The following CRTAC1 variants were observed in gnomAD, a reference collection of about 807,000 sequenced individuals.
CRTAC1 encodes the protein acidic secreted protein in cartilage.
Under a neutral mutation model 67.8 loss-of-function variants are expected in CRTAC1, and 37 were observed. The observed-to-expected ratio is 0.55, with a 90% CI of 0.42 to 0.72. The LOEUF is 0.72. CRTAC1 is among the 30% of genes least tolerant of loss of function. The pLI, the probability that CRTAC1 is intolerant of heterozygous loss-of-function variation, is 0.00. For synonymous variants in CRTAC1, 348 were observed against 371.0 expected (o/e 0.94, Z 0.71); for missense variants, 780 against 931.6 (o/e 0.84, Z 2.12).
chr10:97,926,017 C>T (rs897073328), intron 3 of CRTAC1, among the ~76,000 whole-genome samples: 2 of 152,176 alleles, frequency 1.3e-5, no homozygotes, highest in African/African-American at 4.8e-5. Flanking sequence ...AGGGTCCTCA[C>T]CCGACAGCAG....
At chr10:97,884,636 G>A (rs1051326593) in intron 11 of CRTAC1, 10 of 367,684 alleles carry the variant, frequency 2.7e-5, no homozygotes, top group African/African-American at 8.3e-5. Flanking sequence ...TGGGACTCAC[G>A]TGATTGAAGA....
At chr10:97,907,436 A>G (rs2050628699) in intron 6 of CRTAC1, among the ~76,000 whole-genome samples, 4 of 150,592 alleles carry the variant, frequency 2.7e-5, no homozygotes, top group Admixed American at 2.6e-4. Context: ...CAGAGGAAGG[A>G]GGAGGAGCAC....
chr10:97,967,647 C>A (rs1046083404), intron 2 of CRTAC1, among the ~76,000 whole-genome samples: 1 of 152,136 alleles, frequency 6.6e-6, no homozygotes, highest in African/African-American at 2.4e-5. Flanking sequence ...AACTCTAATC[C>A]ATTACCACAT....
At chr10:97,983,256 C>CTTTGTT (rs2136665249) in intron 2 of CRTAC1, among the ~76,000 whole-genome samples, 7 of 148,088 alleles carry the variant, frequency 4.7e-5, no homozygotes, top group African/African-American at 1.9e-4. Flanking sequence ...GAAGTCATCC[C>CTTTGTT]ACTCACCCAT....
rs182696980 is a variant in CRTAC1 at position 98,019,072 on chromosome 10, G to T, written c.25-7735C>A. On this transcript the variant is annotated intron_variant, in intron 1 of 14. Coordinates refer to ENST00000370597, the MANE Select transcript of CRTAC1 (RefSeq NM_018058.7). ...AGCACAGAGAGATGTAAGTTAGCTG[G>T]GGGGGGAGCTGGGAAGTGCTTCCTA... 2.1e-4 allele frequency among the ~76,000 whole-genome samples: 32 copies of T among 152,178 alleles called. No individual in the cohort carries two copies. The East Asian group carries it at 4.1e-3, about 19-fold the overall frequency.
intron 3 of CRTAC1, among the ~76,000 whole-genome samples, chr10:97,925,704 G>A (rs2050904264): frequency 1.4e-5 from 2 of 143,000 alleles, no homozygotes; most frequent in African/African-American, 2.6e-5. Context: ...GTGTGTGGGG[G>A]GATGAGTGAG....
intron 2 of CRTAC1, among the ~76,000 whole-genome samples, chr10:97,960,469 C>T (rs763426032): frequency 6.6e-6 from 1 of 152,190 alleles, no homozygotes; most frequent in East Asian, 1.9e-4. Context: ...CCATGATGGC[C>T]TCTCTGTACA....
intron 4 of CRTAC1, among the ~76,000 whole-genome samples, chr10:97,921,743 G>T (rs1164112215): frequency 6.6e-6 from 1 of 152,108 alleles, no homozygotes; most frequent in Non-Finnish European, 1.5e-5. Flanking sequence ...GGATGGCCAA[G>T]GTGGTGGCTG....
intron 14 of CRTAC1, chr10:97,879,789 A>T: frequency 6.5e-7 from 1 of 1,535,464 alleles, no homozygotes; most frequent in Admixed American, 2.0e-5. Context: ...CCCACCTAAA[A>T]AGGCCACTTG....
Position 98,007,285 on chromosome 10 carries a change from G to A in CRTAC1, c.224+3853C>T, listed in dbSNP as rs533780770. Among the ~76,000 whole-genome samples the A allele has an allele frequency of 1.1e-4, 16 of 152,264 alleles. No homozygotes were observed. The South Asian group carries it at 1.2e-3, about 12-fold the overall frequency. ...GGTGTGGTCTTATTGTAAGGCAAGG[G>A]GTGGACCAAATGACCTCCCAAGGTC... On this transcript the variant is annotated intron_variant, in intron 2 of 14. Transcript: ENST00000370597.
intron 2 of CRTAC1, among the ~76,000 whole-genome samples, chr10:97,976,461 G>A (rs1302726630): frequency 6.6e-6 from 1 of 152,090 alleles, no homozygotes; most frequent in East Asian, 1.9e-4. Context: ...AAACCTCATG[G>A]GGTTAAAGTG....
chr10:97,927,683 T>A (rs2050941736), intron 3 of CRTAC1, among the ~76,000 whole-genome samples: 1 of 152,188 alleles, frequency 6.6e-6, no homozygotes, highest in Non-Finnish European at 1.5e-5. Context: ...GCCTTGTAGA[T>A]CATAAATGGG....
Position 97,895,968 on chromosome 10 carries a change from A to G in CRTAC1, c.1234T>C (p.Phe412Leu), listed in dbSNP as rs1203863018. Residue 412 changes from phenylalanine (F) to leucine (L), a missense_variant, in exon 10 of 15, where the codon TTC becomes CTC. By Grantham distance (22) the Phe-to-Leu change is conservative. Coordinates refer to ENST00000370597, the MANE Select transcript of CRTAC1 (RefSeq NM_018058.7). The surrounding 1 kb of genome is among the most constrained non-coding windows in gnomAD (Gnocchi z 4.2). The part of the protein sequence containing the change: ...GRGTGGVVTD[F>L]DGDGMLDLIL... ...AGGTCCAGCATCCCGTCTCCGTCGA[A>G]GTCGGTCACCACACCCCCTACAAAC... 1.2e-6 allele frequency: 2 copies of G among 1,614,130 alleles called. No homozygotes were observed. The highest frequency in any genetic ancestry group is 2.2e-5 in the South Asian group (2 of 91,082).
chr10:97,908,501 C>T (rs999060045), intron 5 of CRTAC1, among the ~76,000 whole-genome samples: 1 of 152,168 alleles, frequency 6.6e-6, no homozygotes, highest in Non-Finnish European at 1.5e-5. Flanking sequence ...CCATTTTGGT[C>T]AAGTCACAGA....
intron 2 of CRTAC1, among the ~76,000 whole-genome samples, chr10:97,967,135 T>C (rs1325736935): frequency 6.6e-6 from 1 of 152,212 alleles, no homozygotes; most frequent in Non-Finnish European, 1.5e-5. Context: ...GGGAGATTTG[T>C]CTATTCTCCC....
chr10:97,948,108 CAAA>C (rs34814982), intron 2 of CRTAC1, among the ~76,000 whole-genome samples: 153 of 129,726 alleles, frequency 1.2e-3, no homozygotes, highest in African/African-American at 3.9e-3. Context: ...TGAATTATTG[CAAA>C]AAAAAAAAAA....
At chr10:97,994,333 A>G (rs1305554439) in intron 2 of CRTAC1, among the ~76,000 whole-genome samples, 1 of 152,148 alleles carries the variant, frequency 6.6e-6, no homozygotes, top group African/African-American at 2.4e-5. Context: ...CTTTGGGGCT[A>G]GGGATGGTTA....
chr10:97,975,667 C>A lies in CRTAC1; in HGVS notation c.224+35471G>T, dbSNP rs1437104187. On this transcript the variant is annotated intron_variant, in intron 2 of 14. Coordinates refer to ENST00000370597, the MANE Select transcript of CRTAC1 (RefSeq NM_018058.7). The surrounding 1 kb of genome is among the most constrained non-coding windows in gnomAD (Gnocchi z 4.8). ...GTGAATGACAAAAAGGCGCCCCTTCCTCCAAGCCTGCACAGCCTCACACGG... is the reference window on the plus strand; with the variant it reads ...GTGAATGACAAAAAGGCGCCCCTTCATCCAAGCCTGCACAGCCTCACACGG... Among the ~76,000 whole-genome samples the A allele has an allele frequency of 6.6e-6, 1 of 152,218 alleles. No individual in the cohort carries two copies. The highest frequency in any genetic ancestry group is 6.5e-5 in the Admixed American group (1 of 15,288).
intron 11 of CRTAC1, among the ~76,000 whole-genome samples, chr10:97,889,204 C>A (rs766002976): frequency 1.1e-4 from 17 of 151,300 alleles, no homozygotes; most frequent in Non-Finnish European, 2.1e-4. Context: ...GTGGAGCTGG[C>A]GGAGGCAAAT....
Sources: allele counts gnomAD v4.1 joint callset (sites outside exome capture counted in the v4.1 genomes callset), GRCh38; gene constraint gnomAD v4.1.1; non-coding constraint Gnocchi (gnomAD v3.1); transcripts MANE v1.5; gene names NCBI Gene and HGNC (gene_info 2026-07-23, HGNC 2026-07-21).